The following LGI2 variants were observed in gnomAD, a reference collection of about 807,000 sequenced individuals.
The protein encoded by LGI2 is leucine-rich repeat LGI family member 2.
Under a neutral mutation model 52.0 loss-of-function variants are expected in LGI2, and 30 were observed. The ratio of observed to expected loss-of-function variants is 0.58; its 90% CI spans 0.43 to 0.78. The LOEUF is 0.78. Among genes scored for constraint, LGI2 ranks in the 30% least tolerant of loss-of-function variants. LGI2 has a pLI of 0.00. For synonymous variants in LGI2, 270 were observed against 271.8 expected (o/e 0.99, Z 0.06); for missense variants, 573 against 692.5 (o/e 0.83, Z 1.94).
intron 7 of LGI2, among the ~76,000 whole-genome samples, chr4:25,006,319 C>T (rs910885663): frequency 1.8e-4 from 27 of 152,088 alleles, no homozygotes; most frequent in African/African-American, 6.3e-4. Flanking sequence ...GGACCACCTA[C>T]GAGACCACTG....
the LGI2 span, among the ~76,000 whole-genome samples, chr4:24,992,620 T>A: frequency 1.3e-5 from 2 of 150,280 alleles, no homozygotes; most frequent in African/African-American, 4.9e-5. Context: ...GAGGCGGAGG[T>A]TGCAGTGAGC....
chr4:25,030,102 A>ACACACG (rs1473630517), intron 1 of LGI2, among the ~76,000 whole-genome samples: 1 of 151,714 alleles, frequency 6.6e-6, no homozygotes, highest in African/African-American at 2.4e-5. Flanking sequence ...ACACACACAC[A>ACACACG]CACACGCACA....
At chr4:24,996,002 T>C (rs6820656), downstream of LGI2, among the ~76,000 whole-genome samples, 22,401 of 152,044 alleles carry the variant, frequency 0.15, 1,802 homozygotes, top group South Asian at 0.26. Flanking sequence ...AGAAAAGAGA[T>C]TGGCACTGAA....
intron 7 of LGI2, among the ~76,000 whole-genome samples, chr4:25,008,421 T>G (rs1042385806): frequency 6.6e-6 from 1 of 151,722 alleles, no homozygotes; most frequent in Non-Finnish European, 1.5e-5. Context: ...GGCATGGTGG[T>G]GTGTGCCTGT....
At chr4:25,019,019 T>C in intron 5 of LGI2, 148 bp downstream of exon 5, 1 of 667,036 alleles carries the variant, frequency 1.5e-6, no homozygotes, top group Non-Finnish European at 2.7e-6. Flanking sequence ...ATACAAACTG[T>C]ATGCTATTTC....
Position 25,007,770 on chromosome 4 carries a change from T to C in LGI2, c.821-3502A>G, listed in dbSNP as rs139352818. Among the ~76,000 whole-genome samples the C allele has an allele frequency of 1.5e-4, 23 of 152,298 alleles. No homozygotes were observed. The East Asian group carries it at 4.4e-3, about 29-fold the overall frequency. ...CAGGGTGAACATGACCATGGGTTTCTCTCTCTCCCCTGGTGCACATGGACA... is the reference window on the plus strand; with the variant it reads ...CAGGGTGAACATGACCATGGGTTTCCCTCTCTCCCCTGGTGCACATGGACA... On this transcript the variant is annotated intron_variant, in intron 7 of 7. Coordinates refer to ENST00000382114, the MANE Select transcript of LGI2 (RefSeq NM_018176.4).
At chr4:25,017,800 A>T (rs1449215099) in intron 6 of LGI2, among the ~76,000 whole-genome samples, 189 bp downstream of exon 6, 1 of 152,172 alleles carries the variant, frequency 6.6e-6, no homozygotes, top group Non-Finnish European at 1.5e-5. Context: ...GTTAACAAAA[A>T]TTCTCCCAAA....
Position 25,030,779 on chromosome 4 carries a change from G to C in LGI2, c.-86C>G. The C allele has an allele frequency of 1.3e-6, 1 of 746,306 alleles. No individual in the cohort carries two copies. Among genetic ancestry groups the C allele is most frequent in the Middle Eastern group, 6.4e-4 (1 of 1,570 alleles). 46.2% of individuals were successfully genotyped at this position (746,306 alleles called of 1,614,324 possible). A position where few individuals can be genotyped will look rare whatever the true frequency, so the allele number is the denominator to read the frequency against. On this transcript the variant is annotated 5_prime_UTR_variant, in exon 1 of 8. Coordinates refer to ENST00000382114, the MANE Select transcript of LGI2 (RefSeq NM_018176.4). ...CGGCGCCGCTGCAGACGCGGGCGCC[G>C]CTCGCTGCTCTGCCGCCGCCGCTGC...
In LGI2 at chr4:25,028,388, C is replaced by T. The variant is rs191622679; in HGVS notation, c.269+119G>A. 109 of 833,038 alleles carry T rather than the reference C, an allele frequency of 1.3e-4. No individual in the cohort carries two copies. The Admixed American group carries it at 2.2e-3, about 17-fold the overall frequency. The allele number at this position is 833,038 out of a possible 1,614,324, so 51.6% of individuals were successfully genotyped here. On this transcript the variant is annotated intron_variant, in intron 2 of 7. Coordinates refer to ENST00000382114, the MANE Select transcript of LGI2 (RefSeq NM_018176.4). ...GTAAATTAACACCAAGAGGCAGCCACGGTCTCCTCACGGAGCTGGGGTACT... is the reference window on the plus strand; with the variant it reads ...GTAAATTAACACCAAGAGGCAGCCATGGTCTCCTCACGGAGCTGGGGTACT...
chr4:25,003,155 G>A lies in LGI2; in HGVS notation c.*296C>T. 4.3e-6 allele frequency: 1 copy of A among 234,076 alleles called. No individual in the cohort carries two copies. The highest frequency in any genetic ancestry group is 8.1e-6 in the Non-Finnish European group (1 of 123,200). The allele number at this position is 234,076 out of a possible 1,614,324, so 14.5% of individuals were successfully genotyped here. ...CAATTGTCTTCTTCCTCATCAAAAA[G>A]CGGGGGGGAAGCATATTACATTTCT... On this transcript the variant is annotated 3_prime_UTR_variant, in exon 8 of 8. Coordinates refer to ENST00000382114, the MANE Select transcript of LGI2 (RefSeq NM_018176.4).
At chr4:25,020,232 A>G (rs1375063211) in intron 4 of LGI2, among the ~76,000 whole-genome samples, 1 of 152,136 alleles carries the variant, frequency 6.6e-6, no homozygotes, top group East Asian at 1.9e-4. Context: ...ATAAAGGTTG[A>G]CCCAAAACCA....
At chr4:25,020,820 A>C (rs1725933940) in intron 4 of LGI2, among the ~76,000 whole-genome samples, 1 of 152,204 alleles carries the variant, frequency 6.6e-6, no homozygotes, top group South Asian at 2.1e-4. Context: ...TTTAAATAAA[A>C]TTTCATGTAC....
At position 25,026,898 on chromosome 4, in the gene LGI2, G is replaced by T; in HGVS notation, c.311C>A (p.Ala104Asp). 6.2e-7 allele frequency: 1 copy of T among 1,613,684 alleles called. No homozygotes were observed. The highest frequency in any genetic ancestry group is 8.5e-7 in the Non-Finnish European group (1 of 1,179,590). ...SNSFTIIRDD[A>D]FAGLFHLEYL... ...TTCAAGATGAAAAAGTCCAGCAAAA[G>T]CATCATCCCGGATGATCGTGAATGA... Residue 104 changes from alanine (A) to aspartate (D), a missense_variant, in exon 3 of 8, where the codon GCT (alanine) becomes GAT (aspartate). Physicochemically the swap from Ala to Asp is moderately radical, Grantham distance 126 (BLOSUM62 -2). Transcript: ENST00000382114.
intron 3 of LGI2, 108 bp downstream of exon 3, chr4:25,026,760 T>C (rs561417472): frequency 1.2e-6 from 1 of 838,974 alleles, no homozygotes; most frequent in East Asian, 2.4e-5. Flanking sequence ...GTTCTCCAGT[T>C]TCTCCACCCC....
rs1725194087 is a variant in LGI2 at position 25,000,150 on chromosome 4, T to G, written c.*3301A>C. The G allele has an allele frequency of 5.3e-6, 1 of 189,726 alleles. No individual in the cohort carries two copies. Among genetic ancestry groups the G allele is most frequent in the Non-Finnish European group, 1.1e-5 (1 of 91,362 alleles). The allele number at this position is 189,726 out of a possible 1,614,324, so 11.8% of individuals were successfully genotyped here. On this transcript the variant is annotated 3_prime_UTR_variant, in exon 8 of 8. Coordinates refer to ENST00000382114, the MANE Select transcript of LGI2 (RefSeq NM_018176.4). ...GAATGGTGTCTATTCAGTATGATTT[T>G]TCTTCTGGCTATGCATATTTTATTG...
chr4:25,006,514 A>T (rs1355630129), intron 7 of LGI2, among the ~76,000 whole-genome samples: 1 of 152,154 alleles, frequency 6.6e-6, no homozygotes, highest in African/African-American at 2.4e-5. Context: ...CTCTTTCACC[A>T]TTCTGGTCTT....
intron 1 of LGI2, 145 bp downstream of exon 1, chr4:25,030,352 C>T: frequency 1.2e-6 from 1 of 842,576 alleles, no homozygotes; most frequent in Non-Finnish European, 1.8e-6. Flanking sequence ...GGCCAACACT[C>T]CACCCACGTC....
chr4:25,030,399 G>T lies in LGI2; in HGVS notation c.197+98C>A, dbSNP rs930091003. The T allele has an allele frequency of 2.3e-6, 3 of 1,332,210 alleles. No individual in the cohort carries two copies. In the African/African-American group the frequency reaches 4.4e-5, roughly 20 times the overall value. 82.5% of individuals were successfully genotyped at this position (1,332,210 alleles called of 1,614,324 possible). On this transcript the variant is annotated intron_variant, in intron 1 of 7. Transcript: ENST00000382114. ...GGCAAAGAAGGGGCCTGGGGAGTGGGTCAGGGTCGCGCTGGCCCGGCGCCA... is the reference window on the plus strand; with the variant it reads ...GGCAAAGAAGGGGCCTGGGGAGTGGTTCAGGGTCGCGCTGGCCCGGCGCCA...
intron 6 of LGI2, among the ~76,000 whole-genome samples, chr4:25,015,233 G>A (rs1401157326): frequency 2.6e-5 from 4 of 152,214 alleles, no homozygotes; most frequent in Admixed American, 6.5e-5. Flanking sequence ...GAGAGAAACT[G>A]CACATTAATG....
Sources: allele counts gnomAD v4.1 joint callset (sites outside exome capture counted in the v4.1 genomes callset), GRCh38; gene constraint gnomAD v4.1.1; transcripts MANE v1.5; gene names NCBI Gene and HGNC (gene_info 2026-07-23, HGNC 2026-07-21).